AUTS2: variants seen among roughly 807,000 people sequenced by gnomAD.
The protein encoded by AUTS2 is autism susceptibility gene 2 protein.
Under a neutral mutation model 112.4 loss-of-function variants are expected in AUTS2, and 17 were observed. That is an observed-to-expected ratio of 0.15 (90% CI 0.10 to 0.23). AUTS2 has a LOEUF of 0.23. Ranked by LOEUF, AUTS2 falls within the 10% of genes least tolerant of loss-of-function variation. The pLI, the probability that AUTS2 is intolerant of heterozygous loss-of-function variation, is 1.00. For missense variants in AUTS2, 1,510 were observed against 1,701.6 expected (o/e 0.89, Z 1.98); for synonymous variants, 751 against 702.7 (o/e 1.07, Z -1.09).
At position 70,583,796 on chromosome 7, in the gene AUTS2, C is replaced by T. The variant is rs574120525; in HGVS notation, c.691-114773C>T. 5.3e-5 allele frequency among the ~76,000 whole-genome samples: 8 copies of T among 152,364 alleles called. No homozygotes were observed. In the Middle Eastern group the frequency reaches 0.01, roughly 194 times the overall value. On this transcript the variant is annotated intron_variant, in intron 5 of 18. Transcript: ENST00000342771. ...GGAAGAAAGCAAAAAAAACTGCCTT[C>T]TGTCCCTCTTCCAGCATTCTTCTTT...
intron 5 of AUTS2, among the ~76,000 whole-genome samples, chr7:70,681,802 C>T (rs920050272): frequency 8.5e-5 from 13 of 152,284 alleles, no homozygotes; most frequent in African/African-American, 3.1e-4. Context: ...GGAACGGGGG[C>T]TCCACCTCCT....
intron 1 of AUTS2, among the ~76,000 whole-genome samples, chr7:69,894,865 AT>A (rs1483239094): frequency 6.6e-6 from 1 of 152,100 alleles, no homozygotes; most frequent in Non-Finnish European, 1.5e-5. Context: ...CAATCATCTT[AT>A]TTTCAAAAAA....
chr7:70,557,196 AC>A (rs1801284900), intron 5 of AUTS2, among the ~76,000 whole-genome samples: 1 of 152,186 alleles, frequency 6.6e-6, no homozygotes, highest in Non-Finnish European at 1.5e-5. Flanking sequence ...CTTTAATGCC[AC>A]ATCTGGCTTT....
At chr7:69,876,357 T>C (rs867631341) in intron 1 of AUTS2, among the ~76,000 whole-genome samples, 122 of 93,348 alleles carry the variant, frequency 1.3e-3, no homozygotes, top group Non-Finnish European at 2.1e-3. Flanking sequence ...AAAATATATA[T>C]ATATATATAT....
At chr7:69,889,934 G>A (rs1305599174) in intron 1 of AUTS2, among the ~76,000 whole-genome samples, 1 of 152,110 alleles carries the variant, frequency 6.6e-6, no homozygotes. Context: ...CTTTGTGTAC[G>A]TTATTGCCCT....
rs545467967 is a variant in AUTS2 at position 70,508,688 on chromosome 7, G to A, written c.690+72907G>A. On this transcript the variant is annotated intron_variant, in intron 5 of 18. Coordinates refer to ENST00000342771, the MANE Select transcript of AUTS2 (RefSeq NM_015570.4). ...TACACCACGGTTACAGCCATAATTG[G>A]CAATCTTGCCTGTGATATCCCATTA... Among the ~76,000 whole-genome samples, 20 of 152,300 alleles carry A rather than the reference G, an allele frequency of 1.3e-4. No homozygotes were observed. The East Asian group carries it at 3.3e-3, about 25-fold the overall frequency.
At chr7:70,234,355 T>A (rs1812210587) in intron 4 of AUTS2, among the ~76,000 whole-genome samples, 1 of 152,212 alleles carries the variant, frequency 6.6e-6, no homozygotes, top group South Asian at 2.1e-4. Context: ...TTCACTTCCT[T>A]ATGAAAAGTT....
chr7:70,270,121 C>A (rs1419158058), intron 4 of AUTS2, among the ~76,000 whole-genome samples: 1 of 152,104 alleles, frequency 6.6e-6, no homozygotes, highest in African/African-American at 2.4e-5. Flanking sequence ...TTCTGCCTAT[C>A]CCCTCTATCC....
intron 1 of AUTS2, among the ~76,000 whole-genome samples, chr7:69,776,436 G>T (rs551225900): frequency 6.6e-6 from 1 of 152,240 alleles, no homozygotes; most frequent in Non-Finnish European, 1.5e-5. Flanking sequence ...GTTTTTTAGA[G>T]ATAGTGTCTC....
intron 6 of AUTS2, among the ~76,000 whole-genome samples, chr7:70,718,945 A>C (rs1585565380): frequency 1.3e-5 from 2 of 152,076 alleles, no homozygotes; most frequent in South Asian, 4.2e-4. Flanking sequence ...CTGTCCATGT[A>C]AACCAGGGCA....
chr7:69,783,419 T>C (rs934998414), intron 1 of AUTS2, among the ~76,000 whole-genome samples: 2 of 152,268 alleles, frequency 1.3e-5, no homozygotes, highest in African/African-American at 2.4e-5. Context: ...TCTCCAGTTA[T>C]AGAATGGTTC....
chr7:70,053,519 A>G (rs1445866770), intron 2 of AUTS2, among the ~76,000 whole-genome samples: 1 of 141,602 alleles, frequency 7.1e-6, no homozygotes, highest in African/African-American at 2.7e-5. Context: ...AATGTCTTCC[A>G]TTGTGGCAAC....
chr7:70,333,780 G>A (rs905340601), intron 4 of AUTS2, among the ~76,000 whole-genome samples: 6 of 152,060 alleles, frequency 3.9e-5, no homozygotes, highest in African/African-American at 7.2e-5. Flanking sequence ...ACACAGGGAG[G>A]GGAACATCAC....
At chr7:70,616,531 C>G (rs1436679674) in intron 5 of AUTS2, among the ~76,000 whole-genome samples, 1 of 152,158 alleles carries the variant, frequency 6.6e-6, no homozygotes, top group Non-Finnish European at 1.5e-5. Flanking sequence ...GTGGGATTAT[C>G]TGATGCTCCA....
intron 1 of AUTS2, among the ~76,000 whole-genome samples, chr7:69,653,643 G>GT (rs745977360): frequency 0.027 from 3,708 of 138,288 alleles, 106 homozygotes; most frequent in African/African-American, 0.07. Flanking sequence ...GGTGGGTTTG[G>GT]TTTTTTTTTT....
intron 4 of AUTS2, among the ~76,000 whole-genome samples, chr7:70,377,368 A>ATATATATATATATATATATG (rs1793154779): frequency 8.3e-6 from 1 of 121,066 alleles, no homozygotes. Flanking sequence ...ATATATATAT[A>ATATATATATATATATATATG]TATATAGTGA....
At position 70,095,560 on chromosome 7, in the gene AUTS2, G is replaced by A. The variant is rs568732760; in HGVS notation, c.523-22572G>A. Reference sequence around the variant, plus strand: ...CATATTTATTGAGTACCTACTGTATGCCAGGTATTATGCTAGGTGCTGAGG... The same window carrying A: ...CATATTTATTGAGTACCTACTGTATACCAGGTATTATGCTAGGTGCTGAGG... On this transcript the variant is annotated intron_variant, in intron 2 of 18. Coordinates refer to ENST00000342771, the MANE Select transcript of AUTS2 (RefSeq NM_015570.4). Among the ~76,000 whole-genome samples the A allele has an allele frequency of 2.4e-4, 37 of 152,166 alleles. 1 individual carries two copies. Among genetic ancestry groups the A allele is most frequent in the Admixed American group, 2.0e-3 (31 of 15,284 alleles).
chr7:70,788,353 T>C (rs1054390876), intron 18 of AUTS2, among the ~76,000 whole-genome samples: 2 of 152,212 alleles, frequency 1.3e-5, no homozygotes, highest in African/African-American at 4.8e-5. Flanking sequence ...CTTTGCAGGC[T>C]CTAAATGGGG....
Position 70,263,040 on chromosome 7 carries a change from A to G in AUTS2, c.660+128469A>G, listed in dbSNP as rs185364626. 6.8e-4 allele frequency among the ~76,000 whole-genome samples: 104 copies of G among 152,296 alleles called. 1 individual carries two copies. Among genetic ancestry groups the G allele is most frequent in the Admixed American group, 3.1e-3 (47 of 15,296 alleles). ...TTTATTTTTTGCCCTGTGTATTTGC[A>G]TAAATGTTACTAGGAAATATATTTA... On this transcript the variant is annotated intron_variant, in intron 4 of 18. Transcript: ENST00000342771.
Sources: gnomAD v4.1 joint callset for allele counts (sites outside exome capture counted in the v4.1 genomes callset) on GRCh38, gnomAD v4.1.1 for gene constraint, MANE v1.5 for transcripts, NCBI Gene and HGNC (gene_info 2026-07-23, HGNC 2026-07-21) for gene names.